The following PPP1R21 variants were observed in gnomAD, a reference collection of about 807,000 sequenced individuals.
The protein encoded by PPP1R21 is KLRAQ motif containing 1.
PPP1R21 carries 85 observed loss-of-function variants against 112.8 expected under a neutral mutation model. The ratio of observed to expected loss-of-function variants is 0.75; its 90% CI spans 0.63 to 0.90. PPP1R21 has a LOEUF of 0.90. PPP1R21 is among the 40% of genes least tolerant of loss of function. The pLI, the probability that PPP1R21 is intolerant of heterozygous loss-of-function variation, is 0.00. For missense variants in PPP1R21, 1,199 were observed against 901.5 expected (o/e 1.33, Z -4.23); for synonymous variants, 381 against 322.3 (o/e 1.18, Z -1.95).
In PPP1R21 at chr2:48,459,831, A is replaced by C. The variant is rs746722848; in HGVS notation, c.453A>C (p.Ala151=). 8.1e-6 allele frequency: 13 copies of C among 1,614,238 alleles called. No individual in the cohort carries two copies. The highest frequency in any genetic ancestry group is 1.0e-5 in the Non-Finnish European group (12 of 1,180,058). Residue 151 remains alanine, a synonymous_variant, in exon 5 of 22, where the codon GCA becomes GCC. Coordinates refer to ENST00000294952, the MANE Select transcript of PPP1R21 (RefSeq NM_001135629.3). ...RSRLATLETE[A]AQHQAVVDGL... ...GACTGGCCACTCTGGAGACAGAAGC[A>C]GCCCAGCACCAAGCTGTGGTTGACG...
At chr2:48,468,717 A>G (rs371409709) in intron 9 of PPP1R21, among the ~76,000 whole-genome samples, 2 of 152,004 alleles carry the variant, frequency 1.3e-5, no homozygotes, top group East Asian at 3.9e-4. Flanking sequence ...TGGTGGGCTG[A>G]GGTGGGAGGA....
chr2:48,487,942 T>G (rs575165891), intron 14 of PPP1R21, among the ~76,000 whole-genome samples: 3 of 152,142 alleles, frequency 2.0e-5, no homozygotes, highest in Non-Finnish European at 4.4e-5. Context: ...AGCCCATTTA[T>G]TGCAGCAGAC....
chr2:48,445,268 C>T (rs942205108), intron 1 of PPP1R21, among the ~76,000 whole-genome samples: 4 of 151,134 alleles, frequency 2.6e-5, no homozygotes, highest in Non-Finnish European at 5.9e-5. Context: ...TGTATCTGTG[C>T]TGTCCAGCAG....
chr2:48,510,026 G>C lies in PPP1R21; in HGVS notation c.2097G>C (p.Leu699=), dbSNP rs34242961. 7,760 of 1,613,522 alleles carry C rather than the reference G, an allele frequency of 4.8e-3. 224 individuals carry two copies. In the African/African-American group the frequency reaches 0.069, roughly 14 times the overall value. Residue 699 remains leucine, a synonymous_variant, in exon 20 of 22, where the codon CTG becomes CTC. Transcript: ENST00000294952. ...SVHFYAECRA[L]SKRLALAEKS... ...TTCTGATTTTACAGTGCCGAGCACTGTCTAAAAGACTGGCCTTGGCTGAAA... is the reference window on the plus strand; with the variant it reads ...TTCTGATTTTACAGTGCCGAGCACTCTCTAAAAGACTGGCCTTGGCTGAAA...
chr2:48,460,594 T>TC (rs533096452), intron 6 of PPP1R21, among the ~76,000 whole-genome samples: 4 of 152,230 alleles, frequency 2.6e-5, no homozygotes, highest in Non-Finnish European at 5.9e-5. Flanking sequence ...AAAGGTGTAC[T>TC]CCAACATTTA....
chr2:48,454,519 T>A (rs1667625213), intron 2 of PPP1R21, 76 bp from the exon 3 acceptor site: 1 of 1,539,028 alleles, frequency 6.5e-7, no homozygotes, highest in East Asian at 2.4e-5. Context: ...TTTGGTGAAA[T>A]AGAAATAATT....
chr2:48,456,559 G>T (rs1274414068), intron 3 of PPP1R21, among the ~76,000 whole-genome samples: 1 of 152,164 alleles, frequency 6.6e-6, no homozygotes, highest in Admixed American at 6.5e-5. Context: ...TTTGTTGTGA[G>T]GATTGTATGG....
chr2:48,453,736 A>G (rs1475900684), intron 2 of PPP1R21, among the ~76,000 whole-genome samples: 3 of 152,236 alleles, frequency 2.0e-5, no homozygotes. Context: ...ATTGTCATTT[A>G]GCTTTAAAGT....
intron 12 of PPP1R21, among the ~76,000 whole-genome samples, chr2:48,479,211 A>T (rs1029584500): frequency 6.6e-6 from 1 of 152,230 alleles, no homozygotes; most frequent in Non-Finnish European, 1.5e-5. Flanking sequence ...ATTTAGCTTC[A>T]GCAACAGGTA....
chr2:48,472,616 A>T (rs144491982), intron 11 of PPP1R21, among the ~76,000 whole-genome samples: 2,464 of 149,474 alleles, frequency 0.016, 55 homozygotes, highest in African/African-American at 0.055. Flanking sequence ...ACAGAGTGAG[A>T]CTCCGTCTCA....
intron 11 of PPP1R21, among the ~76,000 whole-genome samples, chr2:48,473,004 A>T (rs1176853393): frequency 7.5e-6 from 1 of 134,200 alleles, no homozygotes; most frequent in Non-Finnish European, 1.6e-5. Flanking sequence ...CCTGTCTCTT[A>T]AAAAAAAAAA....
chr2:48,447,003 A>C (rs953336375), intron 1 of PPP1R21, among the ~76,000 whole-genome samples: 3 of 152,332 alleles, frequency 2.0e-5, no homozygotes, highest in African/African-American at 7.2e-5. Flanking sequence ...TGCCCGCCTC[A>C]GCCTCCTAAA....
At chr2:48,482,346 C>T (rs1023462813) in intron 13 of PPP1R21, among the ~76,000 whole-genome samples, 5 of 152,156 alleles carry the variant, frequency 3.3e-5, no homozygotes, top group African/African-American at 1.2e-4. Context: ...ATCTTATAGA[C>T]AGAAGAATGG....
At chr2:48,496,835 C>G (rs140402429) in intron 16 of PPP1R21, among the ~76,000 whole-genome samples, 1 of 152,204 alleles carries the variant, frequency 6.6e-6, no homozygotes, top group South Asian at 2.1e-4. Flanking sequence ...AGTGCAGTCT[C>G]CATGAAAAGC....
chr2:48,454,158 G>T (rs1313548683), intron 2 of PPP1R21, among the ~76,000 whole-genome samples: 3 of 152,182 alleles, frequency 2.0e-5, no homozygotes, highest in African/African-American at 7.2e-5. Context: ...CCACTCGGGA[G>T]GCTGAGGCAT....
At chr2:48,512,563 T>TG (rs1670690720) in intron 21 of PPP1R21, among the ~76,000 whole-genome samples, 1 of 152,094 alleles carries the variant, frequency 6.6e-6, no homozygotes, top group Admixed American at 6.6e-5. Context: ...CATCTGCTGT[T>TG]GGTGTTAAGG....
Position 48,454,849 on chromosome 2 carries a change from T to C in PPP1R21, c.273+108T>C, listed in dbSNP as rs573688616. On this transcript the variant is annotated intron_variant, in intron 3 of 21. Transcript: ENST00000294952. The stretch of plus-strand genomic sequence containing the variant: ...CCCACTGCCGAATTATTTTTTTCTT[T>C]GTTTGTTTGAGACAGGGTCTTGCTC... The C allele has an allele frequency of 4.5e-6, 4 of 883,602 alleles. No individual in the cohort carries two copies. The South Asian group carries it at 6.2e-5, about 14-fold the overall frequency. The allele number at this position is 883,602 out of a possible 1,614,324, so 54.7% of individuals were successfully genotyped here.
intron 13 of PPP1R21, among the ~76,000 whole-genome samples, chr2:48,482,643 CTGTT>C (rs1473877333): frequency 1.4e-5 from 2 of 139,170 alleles, no homozygotes; most frequent in African/African-American, 5.2e-5. Context: ...AATAAAGACA[CTGTT>C]TTTTTTTTTT....
At chr2:48,441,774 AAT>A (rs1667042000) in intron 1 of PPP1R21, among the ~76,000 whole-genome samples, 2 of 152,214 alleles carry the variant, frequency 1.3e-5, no homozygotes, top group Admixed American at 6.5e-5. Context: ...CTAGTTTAAG[AAT>A]ATTTTAATGA....
Sources: allele counts gnomAD v4.1 joint callset (sites outside exome capture counted in the v4.1 genomes callset), GRCh38; gene constraint gnomAD v4.1.1; transcripts MANE v1.5; gene names NCBI Gene and HGNC (gene_info 2026-07-23, HGNC 2026-07-21).